Variants in EYS observed in about 807,000 individuals in gnomAD.
EYS encodes EGF-like photoreceptor maintenance factor.
EYS carries 250 observed loss-of-function variants against 282.1 expected under a neutral mutation model. That is an observed-to-expected ratio of 0.89 (90% CI 0.80 to 0.98). The LOEUF is 0.98. Ranked by LOEUF, EYS falls within the 50% of genes least tolerant of loss-of-function variation. The pLI, the probability that EYS is intolerant of heterozygous loss-of-function variation, is 0.00. For synonymous variants in EYS, 1,355 were observed against 1,282.9 expected (o/e 1.06, Z -1.20); for missense variants, 4,016 against 3,709.0 (o/e 1.08, Z -2.15).
chr6:63,835,635 T>G (rs1771785401), intron 36 of EYS, among the ~76,000 whole-genome samples: 1 of 152,028 alleles, frequency 6.6e-6, no homozygotes, highest in African/African-American at 2.4e-5. Context: ...CAGTGTATAC[T>G]GTCTGGATGA....
intron 2 of EYS, among the ~76,000 whole-genome samples, chr6:65,550,034 A>ACAG (rs1203420134): frequency 1.3e-5 from 2 of 151,996 alleles, no homozygotes; most frequent in Non-Finnish European, 2.9e-5. Flanking sequence ...AAATGACTAG[A>ACAG]CAGATGCTTT....
intron 41 of EYS, among the ~76,000 whole-genome samples, chr6:63,731,301 T>C (rs1768774572): frequency 1.3e-5 from 2 of 152,224 alleles, no homozygotes; most frequent in South Asian, 4.1e-4. Flanking sequence ...ACAAGTGAAG[T>C]TGAGTTTCTC....
intron 7 of EYS, among the ~76,000 whole-genome samples, chr6:65,389,986 G>A (rs146364494): frequency 2.0e-4 from 30 of 152,070 alleles, no homozygotes; most frequent in Admixed American, 1.2e-3. Flanking sequence ...TGGAGGTCCT[G>A]TTGCTTTTTT....
intron 8 of EYS, among the ~76,000 whole-genome samples, chr6:65,383,457 C>T (rs981739747): frequency 6.6e-6 from 1 of 151,472 alleles, no homozygotes; most frequent in Admixed American, 6.6e-5. Flanking sequence ...CTTCTTAGTT[C>T]TACTTTTTAA....
intron 24 of EYS, among the ~76,000 whole-genome samples, chr6:64,597,787 C>T (rs1297206852): frequency 6.6e-6 from 1 of 152,032 alleles, no homozygotes; most frequent in African/African-American, 2.4e-5. Context: ...GATGGATATA[C>T]TAAAATCCCA....
chr6:65,032,356 T>C (rs2150144507), intron 13 of EYS, among the ~76,000 whole-genome samples: 1 of 152,256 alleles, frequency 6.6e-6, no homozygotes, highest in South Asian at 2.1e-4. Context: ...CTGTCCCAAA[T>C]CTCATATTGA....
intron 26 of EYS, among the ~76,000 whole-genome samples, chr6:64,541,538 G>T (rs1315735190): frequency 1.3e-5 from 2 of 151,390 alleles, no homozygotes; most frequent in South Asian, 2.1e-4. Context: ...CTTCCTCTCT[G>T]TTTCATTTTT....
Position 64,107,285 on chromosome 6 carries a change from TTATATATA to T in EYS, c.6425-25291_6425-25284del, listed in dbSNP as rs55756711. Among the ~76,000 whole-genome samples the T allele has an allele frequency of 4.6e-3, 466 of 101,502 alleles. 5 individuals are homozygous for T. Among genetic ancestry groups the T allele is most frequent in the African/African-American group, 0.013 (373 of 28,398 alleles). 66.6% of individuals were successfully genotyped at this position (101,502 alleles called of 152,430 possible). ...TGTGTGTGTGTGTATATATATATAT[TTATATATA>T]TATATATATATATATATATATAAAG... On this transcript the variant is annotated intron_variant, in intron 31 of 42. Transcript: ENST00000503581.
chr6:64,003,602 A>G (rs1170670398), intron 33 of EYS, among the ~76,000 whole-genome samples: 1 of 152,252 alleles, frequency 6.6e-6, no homozygotes, highest in Non-Finnish European at 1.5e-5. Flanking sequence ...AAAAATTAAA[A>G]AAAAATTCCT....
At chr6:64,633,975 T>C (rs560565746) in intron 22 of EYS, among the ~76,000 whole-genome samples, 37 of 152,112 alleles carry the variant, frequency 2.4e-4, no homozygotes, top group Non-Finnish European at 5.1e-4. Flanking sequence ...GACAAATGCT[T>C]GTGTTTGTTT....
At chr6:64,265,849 C>T (rs1767740619) in intron 30 of EYS, among the ~76,000 whole-genome samples, 1 of 152,038 alleles carries the variant, frequency 6.6e-6, no homozygotes, top group African/African-American at 2.4e-5. Context: ...AGAGCATTGC[C>T]TTGATTAGGA....
chr6:65,206,442 T>C (rs581012), intron 12 of EYS, among the ~76,000 whole-genome samples: 3,293 of 151,668 alleles, frequency 0.022, 107 homozygotes, highest in African/African-American at 0.076. Context: ...TCAGAGCTGA[T>C]TTTTACCAGA....
At chr6:63,804,372 G>A (rs568662030) in intron 37 of EYS, among the ~76,000 whole-genome samples, 3 of 152,228 alleles carry the variant, frequency 2.0e-5, no homozygotes, top group Admixed American at 1.3e-4. Flanking sequence ...TCCTCACAAC[G>A]CTGTAAGGAA....
intron 26 of EYS, among the ~76,000 whole-genome samples, chr6:64,560,721 G>T (rs1183624284): frequency 6.6e-6 from 1 of 151,990 alleles, no homozygotes; most frequent in Non-Finnish European, 1.5e-5. Flanking sequence ...AAAAAATAAA[G>T]TTTGTTATAT....
chr6:65,424,651 A>T (rs1767594250), intron 5 of EYS, among the ~76,000 whole-genome samples: 1 of 152,042 alleles, frequency 6.6e-6, no homozygotes, highest in Non-Finnish European at 1.5e-5. Flanking sequence ...TAGGTATCCT[A>T]AGTTTATAAA....
chr6:64,750,415 G>A (rs1390267), intron 22 of EYS, among the ~76,000 whole-genome samples: 119,494 of 145,686 alleles, frequency 0.82, 48,387 homozygotes, highest in Non-Finnish European at 0.88. Flanking sequence ...AAATAAGAGG[G>A]AAAGTAAAAA....
At chr6:65,093,792 G>C (rs1227421743) in intron 12 of EYS, among the ~76,000 whole-genome samples, 1 of 151,670 alleles carries the variant, frequency 6.6e-6, no homozygotes, top group Non-Finnish European at 1.5e-5. Context: ...TAATTACTTT[G>C]AATATAAATG....
chr6:64,270,599 C>T (rs1054130560), intron 30 of EYS, among the ~76,000 whole-genome samples: 12 of 152,034 alleles, frequency 7.9e-5, no homozygotes, highest in African/African-American at 2.9e-4. Context: ...TATTGAAAAA[C>T]CAAGTGACAG....
At chr6:64,938,241 T>C (rs1768974159) in intron 15 of EYS, among the ~76,000 whole-genome samples, 1 of 151,622 alleles carries the variant, frequency 6.6e-6, no homozygotes, top group Non-Finnish European at 1.5e-5. Context: ...AAATCTATAG[T>C]AGTTCTCTCC....
Sources: gnomAD v4.1 joint callset for allele counts (sites outside exome capture counted in the v4.1 genomes callset) on GRCh38, gnomAD v4.1.1 for gene constraint, MANE v1.5 for transcripts, NCBI Gene and HGNC (gene_info 2026-07-23, HGNC 2026-07-21) for gene names.